The following GLB1L2 variants were observed in gnomAD, a reference collection of about 807,000 sequenced individuals.
GLB1L2 encodes galactosidase beta 1 like 2.
GLB1L2 carries 68 observed loss-of-function variants against 84.1 expected under a neutral mutation model. The observed-to-expected ratio is 0.81, with a 90% CI of 0.67 to 0.99. The LOEUF (loss-of-function observed/expected upper bound fraction) is 0.99, where lower values mean the gene tolerates loss of function less well. Among genes scored for constraint, GLB1L2 ranks in the 50% least tolerant of loss-of-function variants. GLB1L2 has a pLI of 0.00. For synonymous variants in GLB1L2, 290 were observed against 318.0 expected, an observed-to-expected ratio of 0.91 and a Z score of 0.94; for missense variants, 762 against 805.6, an observed-to-expected ratio of 0.95 and a Z score of 0.66.
intron 10 of GLB1L2, 118 bp from the exon 11 acceptor site, chr11:134,369,687 T>C: frequency 1.3e-6 from 1 of 788,168 alleles, no homozygotes; most frequent in Non-Finnish European, 2.1e-6. Context: ...AAAAGTGTCT[T>C]GCCTCCCCAA....
intron 9 of GLB1L2, among the ~76,000 whole-genome samples, chr11:134,368,028 C>T (rs778955808): frequency 3.3e-5 from 5 of 152,062 alleles, no homozygotes; most frequent in South Asian, 4.2e-4. Flanking sequence ...CCTCAGCCCC[C>T]GGAAAGACGG....
At position 134,371,429 on chromosome 11, in the gene GLB1L2, GA is replaced by G. The variant is rs764557429; in HGVS notation, c.1367del (p.Asn456ThrfsTer5). Reference sequence around the variant, plus strand: ...CCTGTTCCCTTTGGCAGGTGTTTGTGAACACAGTATCCATAGGATTCTTGGA... The same window carrying G: ...CCTGTTCCCTTTGGCAGGTGTTTGTGACACAGTATCCATAGGATTCTTGGA... The part of the protein sequence containing the change: ...HVHDRGQVFV[N>X]TVSIGFLDYK... On this transcript the variant is annotated frameshift_variant, in exon 14 of 19. Coordinates refer to ENST00000535456, the MANE Select transcript of GLB1L2 (RefSeq NM_001370461.1). LOFTEE classifies it high-confidence loss of function. 6.3e-7 allele frequency: 1 copy of G among 1,581,584 alleles called. No individual in the cohort carries two copies. The highest frequency in any genetic ancestry group is 1.7e-5 in the Admixed American group (1 of 59,984).
At chr11:134,364,303 C>T (rs1174984469) in intron 7 of GLB1L2, 25 bp from the exon 8 acceptor site, 1 of 1,569,702 alleles carries the variant, frequency 6.4e-7, no homozygotes, top group Non-Finnish European at 8.8e-7. Flanking sequence ...TGCTTTGTCT[C>T]TCTCTCTCCT....
Position 134,370,307 on chromosome 11 carries a change from C to T in GLB1L2, c.1123C>T (p.Pro375Ser), listed in dbSNP as rs1464111501. 6.2e-7 allele frequency: 1 copy of T among 1,613,690 alleles called. No homozygotes were observed. The highest frequency in any genetic ancestry group is 8.5e-7 in the Non-Finnish European group (1 of 1,179,826). The change falls in exon 12 of 19, where the codon CCC becomes TCC. Residue 375 changes from proline to serine, a missense_variant. Physicochemically the swap from Pro to Ser is moderately conservative, Grantham distance 74. Coordinates refer to ENST00000535456, the MANE Select transcript of GLB1L2 (RefSeq NM_001370461.1). The surrounding 1 kb of genome is among the most constrained non-coding windows in gnomAD (Gnocchi z 4.7). ...CTGTGTTGCAGGCATCCCTCTCCCT[C>T]CCCCACCTGACCTTCTTCCCAAGAT... ...FGSISGIPLP[P>S]PPDLLPKMPY...
intron 5 of GLB1L2, among the ~76,000 whole-genome samples, chr11:134,351,345 C>CTTTTTT (rs367790049): frequency 3.1e-5 from 4 of 129,136 alleles, no homozygotes; most frequent in African/African-American, 5.8e-5. Context: ...CTTTTTCTTT[C>CTTTTTT]TTTTTTTTTT....
In GLB1L2 at chr11:134,370,937, C is replaced by T; in HGVS notation, c.1216-71C>T. ...CTCCGCTTCCACCCCATGTGCCAGC[C>T]CCCAGGCAGAGTCTGTCTGTGACCC... On this transcript the variant is annotated intron_variant, in intron 12 of 18. Transcript: ENST00000535456. This position sits in a 1 kb window ranked among gnomAD's most constrained non-coding sequence, Gnocchi z 4.7. 3 of 1,567,398 alleles carry T rather than the reference C, an allele frequency of 1.9e-6. No individual in the cohort carries two copies. The highest frequency in any genetic ancestry group is 2.3e-5 in the South Asian group (2 of 85,426).
In GLB1L2 at chr11:134,371,755, T is replaced by TA. The variant is rs1365788951; in HGVS notation, c.1433dup (p.Tyr478Ter). ...GTTAGCCCCGTGTTCCCGGCAGGGT[T>TA]ACACCGTGCTGAGGATCTTGGTGGA... is the stretch of plus-strand genomic sequence containing the variant. ...TKIAVPLIQGYTVLRILVENR... is the reference protein window; with the variant it reads ...TKIAVPLIQG The change falls in exon 15 of 19, where the codon TAC (tyrosine) becomes TAAC (stop). Residue 478 changes from tyrosine (Y) to a stop codon, truncating the protein, a stop_gained and frameshift_variant. Coordinates refer to ENST00000535456, the MANE Select transcript of GLB1L2 (RefSeq NM_001370461.1). LOFTEE classifies it high-confidence loss of function. 3 of 1,614,034 alleles carry TA rather than the reference T, an allele frequency of 1.9e-6. No individual in the cohort carries two copies. In the East Asian group the frequency reaches 6.7e-5, roughly 36 times the overall value.
intron 1 of GLB1L2, 87 bp downstream of exon 1, chr11:134,332,234 A>ATCCCGAGT: frequency 1.1e-6 from 1 of 928,980 alleles, no homozygotes; most frequent in Non-Finnish European, 1.6e-6. Flanking sequence ...CGACCCGCGA[A>ATCCCGAGT]TCCCGAGTTC....
chr11:134,368,274 TTCTC>T (rs1376019120), intron 9 of GLB1L2, among the ~76,000 whole-genome samples: 4 of 152,202 alleles, frequency 2.6e-5, no homozygotes, highest in African/African-American at 7.2e-5. Flanking sequence ...TGTCAGAGTT[TTCTC>T]TCTAAGGATG....
chr11:134,371,581 C>A, intron 14 of GLB1L2, 89 bp downstream of exon 14: 4 of 1,023,964 alleles, frequency 3.9e-6, no homozygotes, highest in South Asian at 1.3e-5. Context: ...CTGGGAGACC[C>A]GTGGCTCCTT....
chr11:134,353,055 G>A lies in GLB1L2; in HGVS notation c.559-3246G>A, dbSNP rs529432461. 2.6e-5 allele frequency among the ~76,000 whole-genome samples: 4 copies of A among 152,102 alleles called. No homozygotes were observed. In the South Asian group the frequency reaches 8.3e-4, roughly 32 times the overall value. ...GGACTTTTTTGGTTATTGATTTCTA[G>A]TTTCATTCCATTGTGATTGGGAAAA... is the stretch of plus-strand genomic sequence containing the variant. On this transcript the variant is annotated intron_variant, in intron 5 of 18. Coordinates refer to ENST00000535456, the MANE Select transcript of GLB1L2 (RefSeq NM_001370461.1).
At chr11:134,342,451 G>C (rs1943479534) in intron 1 of GLB1L2, among the ~76,000 whole-genome samples, 1 of 151,682 alleles carries the variant, frequency 6.6e-6, no homozygotes, top group Non-Finnish European at 1.5e-5. Context: ...CCCCGCCCCG[G>C]CCCCAGCAGC....
chr11:134,341,382 G>GCGACAGTT (rs72223806), intron 1 of GLB1L2, among the ~76,000 whole-genome samples: 51,448 of 151,418 alleles, frequency 0.34, 8,917 homozygotes, highest in Non-Finnish European at 0.38. Context: ...CTAACCCAAG[G>GCGACAGTT]CGACAGTTCT....
chr11:134,367,697 A>G (rs539721873), intron 9 of GLB1L2, among the ~76,000 whole-genome samples: 1 of 152,348 alleles, frequency 6.6e-6, no homozygotes, highest in East Asian at 1.9e-4. Flanking sequence ...CGACAGCTCT[A>G]TACGCACACA....
At chr11:134,357,159 G>A (rs570179185) in intron 6 of GLB1L2, among the ~76,000 whole-genome samples, 5 of 152,358 alleles carry the variant, frequency 3.3e-5, no homozygotes, top group Admixed American at 6.5e-5. Flanking sequence ...CTGAGGAAGT[G>A]TAAGTGGCCG....
rs543805037 is a variant in GLB1L2 at position 134,367,354 on chromosome 11, G to A, written c.889+13G>A. On this transcript the variant is annotated intron_variant, in intron 9 of 18. Transcript: ENST00000535456. ...TTGGATTCTTCTGGTGAGTGCTTGC[G>A]GTGACTACATCCAGAATGTGTGCTA... is the stretch of plus-strand genomic sequence containing the variant. The A allele has an allele frequency of 5.7e-5, 91 of 1,605,842 alleles. No individual in the cohort carries two copies. Among genetic ancestry groups the A allele is most frequent in the East Asian group, 4.2e-4 (19 of 44,816 alleles).
At chr11:134,368,050 G>A (rs752790843) in intron 9 of GLB1L2, among the ~76,000 whole-genome samples, 1 of 152,176 alleles carries the variant, frequency 6.6e-6, no homozygotes, top group Non-Finnish European at 1.5e-5. Context: ...AGCTTCAGCC[G>A]CTGCTGCTGA....
chr11:134,375,475 C>T lies in GLB1L2; in HGVS notation c.*417C>T, dbSNP rs577922002. On this transcript the variant is annotated 3_prime_UTR_variant, in exon 19 of 19. Coordinates refer to ENST00000535456, the MANE Select transcript of GLB1L2 (RefSeq NM_001370461.1). ...GAGGCTTGGCCACATCCCTCATGGC[C>T]CCATTTTATCCCCGAAATCCTGGGT... The T allele has an allele frequency of 2.1e-4, 36 of 167,690 alleles. No homozygotes were observed. Among genetic ancestry groups the T allele is most frequent in the Non-Finnish European group, 3.4e-4 (27 of 78,812 alleles). 10.4% of individuals were successfully genotyped at this position (167,690 alleles called of 1,614,324 possible).
At chr11:134,366,750 T>C (rs1449050122) in intron 8 of GLB1L2, among the ~76,000 whole-genome samples, 1 of 151,602 alleles carries the variant, frequency 6.6e-6, no homozygotes, top group Non-Finnish European at 1.5e-5. Flanking sequence ...CCTGATTTTC[T>C]GGTTCAGAAA....
Sources: allele counts gnomAD v4.1 joint callset (sites outside exome capture counted in the v4.1 genomes callset), GRCh38; gene constraint gnomAD v4.1.1; non-coding constraint Gnocchi (gnomAD v3.1); transcripts MANE v1.5; gene names NCBI Gene and HGNC (gene_info 2026-07-23, HGNC 2026-07-21).